The following APBB2 variants were observed in gnomAD, a reference collection of about 807,000 sequenced individuals.
The protein encoded by APBB2 is Fe65-like 1.
In APBB2, 38 loss-of-function variants were observed where a neutral mutation model predicts 82.5. The ratio of observed to expected loss-of-function variants is 0.46; its 90% CI spans 0.36 to 0.60. The LOEUF is 0.60. APBB2 is among the 20% of genes least tolerant of loss of function. The pLI is 0.00. For synonymous variants in APBB2, 341 were observed against 368.2 expected (o/e 0.93, Z 0.85); for missense variants, 772 against 972.3 (o/e 0.79, Z 2.74).
Position 41,013,743 on chromosome 4 carries a change from T to C in APBB2, c.675A>G (p.Thr225=), listed in dbSNP as rs1421321278. 6.2e-7 allele frequency: 1 copy of C among 1,614,096 alleles called. No individual in the cohort carries two copies. ...TCTTGGTTTCTGGGCTGGATGACAC[T>C]GTGGCTACTTGGCCGTCTTCAGGGC... ...QSSPEDGQVA[T]VSSSPETKKD... is the part of the protein sequence containing the mutation. The change falls in exon 6 of 18, where the codon ACA becomes ACG. Residue 225 remains threonine, a synonymous_variant. Transcript: ENST00000508593.
At chr4:40,873,820 G>GA (rs1377411746) in intron 12 of APBB2, among the ~76,000 whole-genome samples, 1 of 152,018 alleles carries the variant, frequency 6.6e-6, no homozygotes, top group South Asian at 2.1e-4. Context: ...TTTACAGGGG[G>GA]AAAAAACCCG....
At chr4:40,866,658 C>T (rs943019477) in intron 12 of APBB2, among the ~76,000 whole-genome samples, 21 of 152,208 alleles carry the variant, frequency 1.4e-4, no homozygotes, top group East Asian at 9.7e-4. Context: ...GTTTTATCTT[C>T]GGATTCAACT....
intron 6 of APBB2, among the ~76,000 whole-genome samples, chr4:40,985,438 T>C (rs1800172637): frequency 6.6e-6 from 1 of 152,176 alleles, no homozygotes; most frequent in African/African-American, 2.4e-5. Context: ...AAAGTAGAGC[T>C]TTTCAGGCGG....
At chr4:41,123,193 G>A (rs1753384455) in intron 2 of APBB2, among the ~76,000 whole-genome samples, 1 of 151,796 alleles carries the variant, frequency 6.6e-6, no homozygotes, top group Non-Finnish European at 1.5e-5. Context: ...GAGAATGTAG[G>A]GTCCCCAAGG....
chr4:41,168,290 C>CAA (rs553430933), intron 1 of APBB2, among the ~76,000 whole-genome samples: 2,834 of 134,204 alleles, frequency 0.021, 82 homozygotes, highest in African/African-American at 0.072. Context: ...CGTCTAAAAA[C>CAA]AAAAAAAAAA....
chr4:40,959,535 A>G (rs1792530851), intron 6 of APBB2, among the ~76,000 whole-genome samples: 1 of 152,210 alleles, frequency 6.6e-6, no homozygotes, highest in Non-Finnish European at 1.5e-5. Flanking sequence ...AAATGGTGGC[A>G]TGCCAGGACT....
At chr4:41,146,360 T>C (rs1760744719) in intron 1 of APBB2, among the ~76,000 whole-genome samples, 1 of 138,814 alleles carries the variant, frequency 7.2e-6, no homozygotes. Context: ...CCGGGCATGA[T>C]GGCACATGCC....
intron 6 of APBB2, among the ~76,000 whole-genome samples, chr4:41,000,231 C>G (rs1804846678): frequency 6.6e-6 from 1 of 151,530 alleles, no homozygotes; most frequent in Admixed American, 6.6e-5. Flanking sequence ...CACTGCACAC[C>G]AGCCTGGGCA....
intron 10 of APBB2, among the ~76,000 whole-genome samples, chr4:40,900,454 GTT>G (rs71648936): frequency 0.04 from 5,246 of 132,684 alleles, 325 homozygotes; most frequent in African/African-American, 0.14. Flanking sequence ...ACGGAAGGAG[GTT>G]TTTTTTTTTT....
chr4:41,134,345 C>T (rs894022062), intron 2 of APBB2, among the ~76,000 whole-genome samples: 2 of 151,976 alleles, frequency 1.3e-5, no homozygotes, highest in Non-Finnish European at 1.5e-5. Context: ...TTTGGGAGGC[C>T]AAGGCGGGCT....
At chr4:41,107,784 T>G (rs1481180384) in intron 2 of APBB2, among the ~76,000 whole-genome samples, 1 of 152,142 alleles carries the variant, frequency 6.6e-6, no homozygotes, top group African/African-American at 2.4e-5. Context: ...TTGTGATACA[T>G]TCTACAAAAC....
At chr4:40,906,410 T>A (rs2154359861) in intron 10 of APBB2, among the ~76,000 whole-genome samples, 1 of 132,420 alleles carries the variant, frequency 7.6e-6, no homozygotes, top group African/African-American at 3.0e-5. Flanking sequence ...GAGGCTACAG[T>A]GAGCTGAGGT....
At chr4:41,189,663 G>A (rs760297199) in intron 1 of APBB2, among the ~76,000 whole-genome samples, 15 of 152,132 alleles carry the variant, frequency 9.9e-5, no homozygotes, top group Non-Finnish European at 1.8e-4. Context: ...AGTAAATAGC[G>A]GTATACTTCT....
chr4:41,151,119 C>T (rs534087171), intron 1 of APBB2, among the ~76,000 whole-genome samples: 17 of 152,264 alleles, frequency 1.1e-4, no homozygotes, highest in African/African-American at 3.9e-4. Flanking sequence ...CATTTTCATA[C>T]AGGTAATCTT....
intron 1 of APBB2, among the ~76,000 whole-genome samples, chr4:41,164,594 A>G (rs1331577918): frequency 1.3e-5 from 2 of 152,160 alleles, no homozygotes; most frequent in African/African-American, 4.8e-5. Context: ...ACTTTCTGTG[A>G]TAAGTCCCTT....
At chr4:40,825,558 C>T (rs1749621575) in intron 15 of APBB2, among the ~76,000 whole-genome samples, 1 of 152,240 alleles carries the variant, frequency 6.6e-6, no homozygotes, top group African/African-American at 2.4e-5. Context: ...GGTGCCCTGG[C>T]CTCAGAGATG....
intron 12 of APBB2, among the ~76,000 whole-genome samples, chr4:40,887,648 G>C (rs16852594): frequency 0.011 from 1,668 of 152,276 alleles, 35 homozygotes; most frequent in African/African-American, 0.038. Context: ...GGGAGAAACA[G>C]AACCTTTCAC....
In APBB2 at chr4:41,064,946, T is replaced by C. The variant is rs563472090; in HGVS notation, c.-51+630A>G. Among the ~76,000 whole-genome samples the C allele has an allele frequency of 1.1e-4, 16 of 152,222 alleles. No individual in the cohort carries two copies. In the East Asian group the frequency reaches 3.1e-3, roughly 29 times the overall value. On this transcript the variant is annotated intron_variant, in intron 4 of 17. Transcript: ENST00000508593. ...TATTATCATTTCAAATGTTAACATATTGTGATGAAAAAGGAAAGCTTAAAA... is the reference window on the plus strand; with the variant it reads ...TATTATCATTTCAAATGTTAACATACTGTGATGAAAAAGGAAAGCTTAAAA...
chr4:40,964,280 T>C (rs1794035287), intron 6 of APBB2, among the ~76,000 whole-genome samples: 1 of 152,178 alleles, frequency 6.6e-6, no homozygotes, highest in Non-Finnish European at 1.5e-5. Context: ...CTGGGTCTGT[T>C]TGAGAAATAC....
Sources: gnomAD v4.1 joint callset for allele counts (sites outside exome capture counted in the v4.1 genomes callset) on GRCh38, gnomAD v4.1.1 for gene constraint, MANE v1.5 for transcripts, NCBI Gene and HGNC (gene_info 2026-07-23, HGNC 2026-07-21) for gene names.